The following FRYL variants were observed in gnomAD, a reference collection of about 807,000 sequenced individuals.
FRYL encodes the protein FRY like transcription coactivator.
FRYL carries 150 observed loss-of-function variants against 351.2 expected under a neutral mutation model. That is an observed-to-expected ratio of 0.43 (90% CI 0.37 to 0.49). FRYL has a LOEUF of 0.49. Among genes scored for constraint, FRYL ranks in the 20% least tolerant of loss-of-function variants. The pLI, the probability that FRYL is intolerant of heterozygous loss-of-function variation, is 0.00. For missense variants in FRYL, 3,036 were observed against 3,619.3 expected (o/e 0.84, Z 4.13); for synonymous variants, 1,153 against 1,257.1 (o/e 0.92, Z 1.75).
At chr4:48,601,717 C>A (rs1369568745) in intron 13 of FRYL, among the ~76,000 whole-genome samples, 1 of 152,024 alleles carries the variant, frequency 6.6e-6, no homozygotes, top group Non-Finnish European at 1.5e-5. Context: ...GAGATTAATA[C>A]TCTATAATTC....
At position 48,531,280 on chromosome 4, in the gene FRYL, C is replaced by T. The variant is rs1360344943; in HGVS notation, c.6779G>A (p.Ser2260Asn). Residue 2260 changes from serine to asparagine, a missense_variant, in exon 50 of 64, where the codon AGT becomes AAT. Around this residue, in one of 7 missense-constraint regions of FRYL, gnomAD observed 1,987 missense variants for 2,311.7 expected, o/e 0.86. Transcript: ENST00000358350. ...VSRSASLVVP[S>N]DIPKTYGGDT... Reference sequence around the variant, plus strand: ...TCCTCCATAGGTCTTGGGGATATCACTGGGTACGACAAGACTCGCAGAGCG... The same window carrying T: ...TCCTCCATAGGTCTTGGGGATATCATTGGGTACGACAAGACTCGCAGAGCG... 1.2e-6 allele frequency: 2 copies of T among 1,613,494 alleles called. No individual in the cohort carries two copies. Among genetic ancestry groups the T allele is most frequent in the Admixed American group, 1.7e-5 (1 of 59,992 alleles).
intron 3 of FRYL, among the ~76,000 whole-genome samples, chr4:48,661,059 C>G (rs1223805800): frequency 6.6e-6 from 1 of 152,102 alleles, no homozygotes; most frequent in African/African-American, 2.4e-5. Context: ...AATGCATCAA[C>G]ATTGGTTTAT....
chr4:48,653,202 T>G (rs1268328674), intron 3 of FRYL, among the ~76,000 whole-genome samples: 1 of 152,208 alleles, frequency 6.6e-6, no homozygotes, highest in Non-Finnish European at 1.5e-5. Flanking sequence ...TGAATGTTAT[T>G]TATAAGAAAA....
intron 3 of FRYL, among the ~76,000 whole-genome samples, chr4:48,662,125 T>C (rs1401552743): frequency 6.6e-6 from 1 of 152,168 alleles, no homozygotes; most frequent in Non-Finnish European, 1.5e-5. Flanking sequence ...GGAATTGGAA[T>C]CTCAGAAGGA....
chr4:48,555,508 C>A (rs749223552), intron 35 of FRYL, among the ~76,000 whole-genome samples: 2 of 152,148 alleles, frequency 1.3e-5, no homozygotes, highest in Non-Finnish European at 2.9e-5. Context: ...CAGCAGAAGT[C>A]CCAGTGGGCA....
At chr4:48,504,094 A>AAAAC (rs990981117) in intron 60 of FRYL, among the ~76,000 whole-genome samples, 1 of 152,118 alleles carries the variant, frequency 6.6e-6, no homozygotes, top group Non-Finnish European at 1.5e-5. Context: ...TAAATATGCT[A>AAAAC]AAACAGTGCA....
At chr4:48,544,364 G>A (rs927011924) in intron 43 of FRYL, among the ~76,000 whole-genome samples, 1 of 152,146 alleles carries the variant, frequency 6.6e-6, no homozygotes. Context: ...ACTGTCTCTA[G>A]ACATTGCCAA....
Position 48,550,605 on chromosome 4 carries a change from A to G in FRYL, c.4620T>C (p.Tyr1540=), listed in dbSNP as rs529729797. The part of the protein sequence containing the change: ...SRYSSSSGGS[Y]EEEKSDSMPL... The stretch of plus-strand genomic sequence containing the variant: ...GGAATTTATTACTTTTTTCTTCTTC[A>G]TAAGATCCTCCAGAGCTGCTACTGT... Residue 1540 remains tyrosine (Y), a synonymous_variant, in exon 38 of 64, where the codon TAT becomes TAC. Transcript: ENST00000358350. The G allele has an allele frequency of 3.7e-6, 6 of 1,609,612 alleles. No homozygotes were observed. The highest frequency in any genetic ancestry group is 1.3e-5 in the African/African-American group (1 of 74,954).
intron 1 of FRYL, among the ~76,000 whole-genome samples, chr4:48,740,947 A>T (rs1477782948): frequency 6.6e-6 from 1 of 152,178 alleles, no homozygotes; most frequent in East Asian, 1.9e-4. Flanking sequence ...AAAAGCCTAC[A>T]TATGGATACT....
chr4:48,620,085 A>G (rs982170524), intron 6 of FRYL, among the ~76,000 whole-genome samples: 1 of 152,218 alleles, frequency 6.6e-6, no homozygotes, highest in African/African-American at 2.4e-5. Flanking sequence ...TTGAAAAATC[A>G]CAAGTGGCAT....
intron 53 of FRYL, chr4:48,523,359 G>C (rs1294023459): frequency 5.3e-6 from 2 of 378,762 alleles, no homozygotes; most frequent in East Asian, 5.4e-5. Context: ...TGTATTACTG[G>C]GGACCAAGTA....
At chr4:48,580,407 T>C (rs531282035) in intron 22 of FRYL, 1 of 155,232 alleles carries the variant, frequency 6.4e-6, no homozygotes, top group South Asian at 2.0e-4. Flanking sequence ...ATGACATTGG[T>C]ATAAAACACT....
At chr4:48,571,132 G>A (rs1177625246) in intron 26 of FRYL, among the ~76,000 whole-genome samples, 8 of 152,174 alleles carry the variant, frequency 5.3e-5, no homozygotes, top group Admixed American at 2.0e-4. Context: ...ATCTTACATG[G>A]TGACAACCCC....
intron 2 of FRYL, among the ~76,000 whole-genome samples, chr4:48,709,403 T>C (rs1170473035): frequency 1.3e-5 from 2 of 151,936 alleles, no homozygotes; most frequent in African/African-American, 4.8e-5. Context: ...TGAAGGAAAG[T>C]CCTCAAGGTC....
chr4:48,754,772 G>T (rs1414275899), intron 1 of FRYL, among the ~76,000 whole-genome samples: 2 of 150,686 alleles, frequency 1.3e-5, no homozygotes, highest in Non-Finnish European at 2.9e-5. Context: ...CTTCCAAGTC[G>T]CTGGGACTAC....
intron 3 of FRYL, chr4:48,638,418 C>T (rs182881828): frequency 3.9e-5 from 6 of 152,138 alleles, no homozygotes; most frequent in South Asian, 2.1e-4. Context: ...TACCATCTCA[C>T]GCCAGTTAGA....
In FRYL at chr4:48,527,895, A is replaced by G. The variant is rs1726620742; in HGVS notation, c.7140+76T>C. On this transcript the variant is annotated intron_variant, in intron 52 of 63. Coordinates refer to ENST00000358350, the MANE Select transcript of FRYL (RefSeq NM_015030.2). ...TAAGTAAGGTAAATTAGAAAAGGCA[A>G]GCAAGGAGACAGATCATTTCTTCAA... The G allele has an allele frequency of 5.6e-6, 7 of 1,240,636 alleles. No homozygotes were observed. In the Admixed American group the frequency reaches 7.1e-5, roughly 13 times the overall value. The allele number at this position is 1,240,636 out of a possible 1,614,324, so 76.9% of individuals were successfully genotyped here. A position where few individuals can be genotyped will look rare whatever the true frequency, so the allele number is the denominator to read the frequency against.
chr4:48,553,388 C>T lies in FRYL; in HGVS notation c.4267-5G>A, dbSNP rs1474001819. ...ATATACAATGACCTTCTTCACCTGTCACAAAAGAAATCGTTCAGAAAAGAA... is the reference window on the plus strand; with the variant it reads ...ATATACAATGACCTTCTTCACCTGTTACAAAAGAAATCGTTCAGAAAAGAA... On this transcript the variant is annotated splice_polypyrimidine_tract_variant and splice_region_variant and intron_variant, in intron 35 of 63. Coordinates refer to ENST00000358350, the MANE Select transcript of FRYL (RefSeq NM_015030.2). The T allele has an allele frequency of 4.4e-6, 7 of 1,597,252 alleles. No homozygotes were observed. The highest frequency in any genetic ancestry group is 6.0e-6 in the Non-Finnish European group (7 of 1,172,618).
intron 1 of FRYL, among the ~76,000 whole-genome samples, chr4:48,768,627 AC>A (rs1303555118): frequency 6.6e-6 from 1 of 151,920 alleles, no homozygotes; most frequent in African/African-American, 2.4e-5. Flanking sequence ...ACATGGTGAA[AC>A]CCTGTCTCTA....
Sources: gnomAD v4.1 joint callset for allele counts (sites outside exome capture counted in the v4.1 genomes callset) on GRCh38, gnomAD v4.1.1 for gene constraint, gnomAD v4.1.1 regional missense constraint, MANE v1.5 for transcripts, NCBI Gene and HGNC (gene_info 2026-07-23, HGNC 2026-07-21) for gene names.